PGM3: variants seen among roughly 807,000 people sequenced by gnomAD.
PGM3 encodes the protein phosphoglucomutase 3.
PGM3 carries 40 observed loss-of-function variants against 66.2 expected under a neutral mutation model. That is an observed-to-expected ratio of 0.60 (90% CI 0.47 to 0.79). The LOEUF is 0.79. PGM3 is among the 30% of genes least tolerant of loss of function. The pLI is 0.00. For synonymous variants in PGM3, 191 were observed against 224.2 expected (o/e 0.85, Z 1.32); for missense variants, 537 against 643.4 (o/e 0.83, Z 1.79).
intron 9 of PGM3, 69 bp from the exon 10 acceptor site, chr6:83,174,556 T>C: frequency 1.3e-6 from 1 of 751,096 alleles, no homozygotes; most frequent in South Asian, 2.0e-5. Flanking sequence ...ACTATTATTC[T>C]AGCTAACCCA....
At chr6:83,181,383 T>C (rs1055639805) in intron 6 of PGM3, among the ~76,000 whole-genome samples, 14 of 152,218 alleles carry the variant, frequency 9.2e-5, no homozygotes, top group African/African-American at 3.4e-4. Flanking sequence ...ATGCAAATCC[T>C]ATGCCAGACC....
downstream of PGM3, among the ~76,000 whole-genome samples, chr6:83,160,553 C>T (rs1783988127): frequency 1.3e-5 from 2 of 152,062 alleles, 1 homozygote; most frequent in South Asian, 4.1e-4. Context: ...CTTATTTTGG[C>T]TATGTAGTGT....
At chr6:83,178,849 G>T (rs1352385550) in intron 7 of PGM3, 93 bp from the exon 8 acceptor site, 3 of 791,078 alleles carry the variant, frequency 3.8e-6, no homozygotes, top group South Asian at 1.4e-5. Flanking sequence ...AAAATTATCA[G>T]CCAGTTCAGT....
intron 11 of PGM3, 115 bp downstream of exon 11, chr6:83,171,822 T>C (rs1469494330): frequency 6.2e-6 from 5 of 807,250 alleles, no homozygotes; most frequent in African/African-American, 1.7e-5. Flanking sequence ...ATGTATCATA[T>C]GTGTATGTAC....
In PGM3 at chr6:83,168,748, G is replaced by C. The variant is rs937171770; in HGVS notation, c.*486C>G. ...TACCTCTGAGTTCCTGATGGCATTA[G>C]TCATATAGGTAAGTCATCTAATAAT... On this transcript the variant is annotated 3_prime_UTR_variant, in exon 13 of 13. Transcript: ENST00000513973. 4 of 999,770 alleles carry C rather than the reference G, an allele frequency of 4.0e-6. No individual in the cohort carries two copies. The highest frequency in any genetic ancestry group is 3.6e-6 in the Non-Finnish European group (3 of 837,946). The allele number at this position is 999,770 out of a possible 1,614,324, so 61.9% of individuals were successfully genotyped here.
the PGM3 span, chr6:83,156,063 T>C: frequency 6.2e-7 from 1 of 1,613,900 alleles, no homozygotes; most frequent in African/African-American, 1.3e-5. Context: ...TTTTTAGCAG[T>C]GAAATTGACC....
chr6:83,192,032 C>A (rs1269410107), intron 1 of PGM3, among the ~76,000 whole-genome samples: 1 of 150,434 alleles, frequency 6.6e-6, no homozygotes, highest in Non-Finnish European at 1.5e-5. Flanking sequence ...TTTGGGAGGC[C>A]AAGGCGGGCG....
chr6:83,181,673 T>C, intron 6 of PGM3, 63 bp downstream of exon 6: 1 of 1,129,584 alleles, frequency 8.9e-7, no homozygotes. Flanking sequence ...CACCTTAGTT[T>C]ATAAGTGAGA....
intron 10 of PGM3, among the ~76,000 whole-genome samples, chr6:83,173,836 A>G (rs1044647163): frequency 7.2e-5 from 11 of 152,116 alleles, no homozygotes; most frequent in Non-Finnish European, 1.3e-4. Flanking sequence ...TCCCGGGTTC[A>G]CACCATGCTC....
chr6:83,153,763 A>G, the PGM3 span: 1 of 1,187,554 alleles, frequency 8.4e-7, no homozygotes, highest in South Asian at 1.8e-5. Flanking sequence ...TTCATATATT[A>G]TTTTTCTTAT....
chr6:83,158,446 A>T, downstream of PGM3: 1 of 797,946 alleles, frequency 1.3e-6, no homozygotes, highest in Non-Finnish European at 2.0e-6. Context: ...AGTATAATTT[A>T]AAAGATTCTG....
chr6:83,173,498 A>G (rs1415075728), intron 10 of PGM3, among the ~76,000 whole-genome samples: 1 of 151,986 alleles, frequency 6.6e-6, no homozygotes, highest in Non-Finnish European at 1.5e-5. Context: ...GAGCTTTGGT[A>G]TAAGATATAA....
chr6:83,159,861 C>T, downstream of PGM3: 1 of 1,614,128 alleles, frequency 6.2e-7, no homozygotes, highest in Non-Finnish European at 8.5e-7. Context: ...TTCTCTACTT[C>T]ATATAACAGC....
chr6:83,175,079 A>G (rs956699394), intron 9 of PGM3, among the ~76,000 whole-genome samples: 1 of 152,196 alleles, frequency 6.6e-6, no homozygotes, highest in African/African-American at 2.4e-5. Context: ...AGATTAGCAT[A>G]CTATGCTCAA....
intron 4 of PGM3, among the ~76,000 whole-genome samples, chr6:83,185,661 A>G (rs1788527664): frequency 6.6e-6 from 1 of 152,180 alleles, no homozygotes; most frequent in African/African-American, 2.4e-5. Context: ...CGGGAGGCTG[A>G]GGCAGGAGAA....
intron 3 of PGM3, among the ~76,000 whole-genome samples, chr6:83,187,991 T>TA (rs1331728575): frequency 2.0e-5 from 3 of 151,998 alleles, no homozygotes; most frequent in African/African-American, 4.8e-5. Context: ...CAACAGAGGG[T>TA]AAAAAAACCA....
rs1431555024 is a variant in PGM3, at chr6:83,166,143, A to T, written c.*3091T>A. 6.5e-6 allele frequency: 3 copies of T among 464,190 alleles called. No individual in the cohort carries two copies. The highest frequency in any genetic ancestry group is 6.5e-5 in the East Asian group (2 of 30,862). The allele number at this position is 464,190 out of a possible 1,614,324, so 28.8% of individuals were successfully genotyped here. ...AGAAAATGACACTTCAAAACAACGA[A>T]TTTTTTTATTTTTCACTCAGCTCAT... On this transcript the variant is annotated 3_prime_UTR_variant, in exon 13 of 13. Transcript: ENST00000513973.
intron 4 of PGM3, 100 bp downstream of exon 4, chr6:83,186,908 C>T (rs1167384168): frequency 8.2e-6 from 5 of 607,544 alleles, no homozygotes; most frequent in Non-Finnish European, 1.4e-5. Flanking sequence ...ATTTTTTGTT[C>T]ATCTGTATTT....
Position 83,168,107 on chromosome 6 carries a change from C to T in PGM3, c.*1127G>A. The T allele has an allele frequency of 6.8e-6, 11 of 1,612,184 alleles. No homozygotes were observed. The highest frequency in any genetic ancestry group is 7.6e-6 in the Non-Finnish European group (9 of 1,179,432). On this transcript the variant is annotated 3_prime_UTR_variant, in exon 13 of 13. Coordinates refer to ENST00000513973, the MANE Select transcript of PGM3 (RefSeq NM_015599.3). ...ACCACAAACCATGTTCCAGCAAAGC[C>T]AGGCAAAAAATAGAAGAGATGGTAG...
Sources: gnomAD v4.1 joint callset for allele counts (sites outside exome capture counted in the v4.1 genomes callset) on GRCh38, gnomAD v4.1.1 for gene constraint, MANE v1.5 for transcripts, NCBI Gene and HGNC (gene_info 2026-07-23, HGNC 2026-07-21) for gene names.